The following TBXAS1 variants were observed in gnomAD, a reference collection of about 807,000 sequenced individuals.
TBXAS1 encodes thromboxane-A synthase.
In TBXAS1, 48 loss-of-function variants were observed where a neutral mutation model predicts 60.7. The observed-to-expected ratio is 0.79, with a 90% CI of 0.63 to 1.01. The LOEUF is 1.01. Ranked by LOEUF, TBXAS1 falls within the 50% of genes least tolerant of loss-of-function variation. The probability of loss-of-function intolerance (pLI) is 0.00; values close to 1 mark genes in which losing one functional copy is unlikely to be tolerated. For missense variants in TBXAS1, 685 were observed against 686.3 expected (o/e 1.00, Z 0.02); for synonymous variants, 287 against 269.7 (o/e 1.06, Z -0.63).
At chr7:139,965,642 A>C (rs1019853070) in intron 9 of TBXAS1, among the ~76,000 whole-genome samples, 1 of 152,130 alleles carries the variant, frequency 6.6e-6, no homozygotes, top group African/African-American at 2.4e-5. Flanking sequence ...CTTCCAAGAA[A>C]AAAAATCAGG....
At chr7:139,796,103 T>C (rs1797563694) in intron 4 of TBXAS1, among the ~76,000 whole-genome samples, 1 of 152,200 alleles carries the variant, frequency 6.6e-6, no homozygotes, top group African/African-American at 2.4e-5. Flanking sequence ...ACAAACCATA[T>C]ACTTCACTGC....
intron 4 of TBXAS1, among the ~76,000 whole-genome samples, chr7:139,813,992 C>A (rs1464520073): frequency 6.6e-6 from 1 of 152,148 alleles, no homozygotes; most frequent in Admixed American, 6.5e-5. Flanking sequence ...GATTGGCTTT[C>A]TTTTGGACCG....
At chr7:139,973,153 C>A (rs539109485) in intron 9 of TBXAS1, among the ~76,000 whole-genome samples, 1 of 152,114 alleles carries the variant, frequency 6.6e-6, no homozygotes, top group East Asian at 1.9e-4. Flanking sequence ...CCTCGGCCTC[C>A]GAGGAGACCT....
rs1326879282 is a variant in TBXAS1, at chr7:139,974,508, T to A, written c.1134+12275T>A. ...CTGGGTGCTAGCATCATCCCCGCCA[T>A]GAGAGCACACGGGGCCCCTGAGCTG... On this transcript the variant is annotated intron_variant, in intron 9 of 12. Coordinates refer to ENST00000448866, the MANE Select transcript of TBXAS1 (RefSeq NM_001061.7). 2.0e-5 allele frequency among the ~76,000 whole-genome samples: 3 copies of A among 152,162 alleles called. No individual in the cohort carries two copies. In the East Asian group the frequency reaches 5.8e-4, roughly 29 times the overall value.
chr7:139,937,368 G>A (rs1302436075), intron 5 of TBXAS1, among the ~76,000 whole-genome samples: 1 of 152,206 alleles, frequency 6.6e-6, no homozygotes, highest in Non-Finnish European at 1.5e-5. Flanking sequence ...AGCTCAAGAT[G>A]CTCATCCATA....
chr7:139,930,828 A>G (rs889118261), intron 4 of TBXAS1, among the ~76,000 whole-genome samples: 1 of 152,126 alleles, frequency 6.6e-6, no homozygotes, highest in Non-Finnish European at 1.5e-5. Flanking sequence ...CAGGGAAATC[A>G]GTTAGGGGCT....
At chr7:139,965,340 T>C (rs905266413) in intron 9 of TBXAS1, among the ~76,000 whole-genome samples, 7 of 152,112 alleles carry the variant, frequency 4.6e-5, no homozygotes, top group Admixed American at 1.3e-4. Context: ...TGCATAAAAG[T>C]ATATAGGAAG....
chr7:139,791,960 A>AT (rs971659449), intron 4 of TBXAS1, among the ~76,000 whole-genome samples: 4 of 151,666 alleles, frequency 2.6e-5, no homozygotes, highest in Non-Finnish European at 4.4e-5. Context: ...ACACTGTTAT[A>AT]TTTTTTTCCT....
intron 4 of TBXAS1, among the ~76,000 whole-genome samples, chr7:139,929,805 T>C (rs74613938): frequency 0.027 from 4,173 of 152,242 alleles, 167 homozygotes; most frequent in African/African-American, 0.096. Context: ...TCCAGCTCCC[T>C]GGCCTGAGCC....
chr7:139,901,766 T>C (rs191788431), intron 3 of TBXAS1, among the ~76,000 whole-genome samples: 12 of 152,078 alleles, frequency 7.9e-5, no homozygotes, highest in Admixed American at 6.5e-4. Context: ...CTGGAAACCA[T>C]GGCCCTAGGA....
intron 9 of TBXAS1, among the ~76,000 whole-genome samples, chr7:139,972,433 T>C (rs1811272045): frequency 1.3e-5 from 2 of 152,218 alleles, no homozygotes; most frequent in Non-Finnish European, 2.9e-5. Context: ...GGCATGGAGC[T>C]ACATTTGCAA....
At chr7:139,984,774 AAGAAAG>A (rs1451177954) in intron 9 of TBXAS1, among the ~76,000 whole-genome samples, 11 of 56,510 alleles carry the variant, frequency 1.9e-4, no homozygotes, top group Admixed American at 6.4e-4. Context: ...GCAGGAAAGA[AAGAAAG>A]AAAAGAAAGA....
chr7:140,015,784 G>A lies in TBXAS1; in HGVS notation c.1288G>A (p.Val430Met), dbSNP rs920428551. ...VLGQRIPAGA[V>M]LEMAVGALHH... Reference sequence around the variant, plus strand: ...GGGGCAGCGCATCCCCGCAGGCGCTGTGCTAGAGATGGCCGTGGGTGCCCT... The same window carrying A: ...GGGGCAGCGCATCCCCGCAGGCGCTATGCTAGAGATGGCCGTGGGTGCCCT... Residue 430 changes from valine (V) to methionine (M), a missense_variant, in exon 11 of 13, where the codon GTG becomes ATG. Physicochemically the swap from Val to Met is conservative, Grantham distance 21 (BLOSUM62 1). Coordinates refer to ENST00000448866, the MANE Select transcript of TBXAS1 (RefSeq NM_001061.7). 1.1e-5 allele frequency: 17 copies of A among 1,613,720 alleles called. No homozygotes were observed. Among genetic ancestry groups the A allele is most frequent in the Non-Finnish European group, 1.4e-5 (17 of 1,180,042 alleles).
At chr7:139,907,836 T>A (rs931837940) in intron 3 of TBXAS1, among the ~76,000 whole-genome samples, 5 of 152,098 alleles carry the variant, frequency 3.3e-5, no homozygotes, top group African/African-American at 1.2e-4. Context: ...TTAGTAGTTT[T>A]GTGGTTGTAA....
chr7:139,969,002 T>C (rs1811000758), intron 9 of TBXAS1, among the ~76,000 whole-genome samples: 1 of 152,244 alleles, frequency 6.6e-6, no homozygotes, highest in African/African-American at 2.4e-5. Flanking sequence ...GTGTCTTCTA[T>C]AGCTTTAGTG....
At chr7:139,821,170 C>T (rs910135266) in intron 4 of TBXAS1, among the ~76,000 whole-genome samples, 3 of 152,126 alleles carry the variant, frequency 2.0e-5, no homozygotes, top group East Asian at 3.8e-4. Flanking sequence ...AAGTTTCTGG[C>T]TTGGGGCTGA....
chr7:139,884,374 T>G (rs1174390943), intron 3 of TBXAS1, among the ~76,000 whole-genome samples: 2 of 152,230 alleles, frequency 1.3e-5, no homozygotes, highest in African/African-American at 4.8e-5. Context: ...TCTGTAAGAT[T>G]TTTGCATTGG....
intron 1 of TBXAS1, among the ~76,000 whole-genome samples, chr7:139,837,624 G>A (rs989355488): frequency 2.0e-5 from 3 of 152,164 alleles, no homozygotes; most frequent in African/African-American, 7.2e-5. Context: ...GGATCCAAAG[G>A]CATAAGAATG....
intron 3 of TBXAS1, among the ~76,000 whole-genome samples, chr7:139,905,086 TCC>T (rs750327397): frequency 2.4e-4 from 36 of 148,716 alleles, no homozygotes; most frequent in Non-Finnish European, 3.9e-4. Context: ...TTTCTCTTTC[TCC>T]CTCTCTCTCT....
Sources: gnomAD v4.1 joint callset for allele counts (sites outside exome capture counted in the v4.1 genomes callset) on GRCh38, gnomAD v4.1.1 for gene constraint, MANE v1.5 for transcripts, NCBI Gene and HGNC (gene_info 2026-07-23, HGNC 2026-07-21) for gene names.